TMTC2: variants seen among roughly 807,000 people sequenced by gnomAD.
TMTC2 encodes transmembrane O-mannosyltransferase targeting cadherins 2.
TMTC2 carries 43 observed loss-of-function variants against 82.4 expected under a neutral mutation model. The ratio of observed to expected loss-of-function variants is 0.52; its 90% CI spans 0.41 to 0.67. The LOEUF (loss-of-function observed/expected upper bound fraction) is 0.67, where lower values mean the gene tolerates loss of function less well. TMTC2 is among the 30% of genes least tolerant of loss of function. TMTC2 has a pLI of 0.00. For synonymous variants in TMTC2, 408 were observed against 381.9 expected (o/e 1.07, Z -0.80); for missense variants, 919 against 1,012.4 (o/e 0.91, Z 1.25).
At position 83,108,059 on chromosome 12, in the gene TMTC2, C is replaced by T. The variant is rs118143081; in HGVS notation, c.2332-24151C>T. Among the ~76,000 whole-genome samples the T allele has an allele frequency of 1.6e-3, 243 of 152,224 alleles. 2 individuals are homozygous for T. The highest frequency in any genetic ancestry group is 2.2e-3 in the Non-Finnish European group (148 of 68,002). ...ATGTAAGAGATGCCTGCTTCTCCTTCGCCTTCTTGCCATAATTATGTTTCC... is the reference window on the plus strand; with the variant it reads ...ATGTAAGAGATGCCTGCTTCTCCTTTGCCTTCTTGCCATAATTATGTTTCC... On this transcript the variant is annotated intron_variant, in intron 11 of 11. Transcript: ENST00000321196.
intron 1 of TMTC2, among the ~76,000 whole-genome samples, chr12:82,737,984 G>C (rs571614503): frequency 6.6e-6 from 1 of 152,204 alleles, no homozygotes; most frequent in African/African-American, 2.4e-5. Context: ...AGAGTCCATT[G>C]GGGTGGCAAA....
At chr12:82,763,532 G>A (rs1375874171) in intron 1 of TMTC2, among the ~76,000 whole-genome samples, 2 of 152,154 alleles carry the variant, frequency 1.3e-5, no homozygotes, top group Non-Finnish European at 2.9e-5. Flanking sequence ...GTCTTTTAAA[G>A]AGAAGTAAAT....
intron 1 of TMTC2, among the ~76,000 whole-genome samples, chr12:82,700,936 G>A (rs986217643): frequency 6.6e-6 from 1 of 152,172 alleles, no homozygotes. Context: ...AGGCAGGCAA[G>A]AGAGTATGTG....
intron 7 of TMTC2, among the ~76,000 whole-genome samples, chr12:82,976,667 AC>A (rs1186099124): frequency 1.3e-5 from 2 of 152,084 alleles, no homozygotes; most frequent in African/African-American, 4.8e-5. Flanking sequence ...GAATAAGATG[AC>A]AAAAATATTG....
intron 1 of TMTC2, among the ~76,000 whole-genome samples, chr12:82,815,453 G>A (rs1868649320): frequency 6.6e-6 from 1 of 151,716 alleles, no homozygotes; most frequent in Admixed American, 6.6e-5. Context: ...TGGGACTACA[G>A]GCGCCCGCCA....
chr12:82,933,673 T>C (rs1179309479), intron 4 of TMTC2, among the ~76,000 whole-genome samples: 1 of 152,192 alleles, frequency 6.6e-6, no homozygotes, highest in Non-Finnish European at 1.5e-5. Context: ...GTTGTATTAA[T>C]TGGCGTGGAA....
intron 1 of TMTC2, among the ~76,000 whole-genome samples, chr12:82,754,626 A>G (rs1592902369): frequency 1.3e-5 from 2 of 152,226 alleles, no homozygotes; most frequent in South Asian, 4.2e-4. Flanking sequence ...AGTCCCAGCT[A>G]CTTAGGGGGC....
At position 82,857,335 on chromosome 12, in the gene TMTC2, G is replaced by A. The variant is rs757729829; in HGVS notation, c.409G>A (p.Val137Met). The A allele has an allele frequency of 4.3e-6, 7 of 1,613,694 alleles. No homozygotes were observed. In the Admixed American group the frequency reaches 6.7e-5, roughly 15 times the overall value. The change falls in exon 2 of 12, where the codon GTG (valine) becomes ATG (methionine). Residue 137 changes from valine (V) to methionine (M), a missense_variant. Physicochemically the swap from Val to Met is conservative, Grantham distance 21. Coordinates refer to ENST00000321196, the MANE Select transcript of TMTC2 (RefSeq NM_152588.3). ...TCACACGGAGGCAGTGGCAGGAATC[G>A]TGGGACGAGCCGATGTCGGGGCCAG... is the stretch of plus-strand genomic sequence containing the variant. ...PIHTEAVAGI[V>M]GRADVGASLF...
intron 8 of TMTC2, among the ~76,000 whole-genome samples, chr12:83,013,431 CCT>C (rs1880546065): frequency 6.6e-6 from 1 of 152,150 alleles, no homozygotes; most frequent in African/African-American, 2.4e-5. Flanking sequence ...CATTAATCCA[CCT>C]AGGCTAGCAA....
intron 8 of TMTC2, among the ~76,000 whole-genome samples, chr12:83,014,336 T>C (rs931315495): frequency 6.6e-6 from 1 of 151,964 alleles, no homozygotes; most frequent in Non-Finnish European, 1.5e-5. Flanking sequence ...CTAATTTTTG[T>C]TTTTTGGTTT....
At chr12:82,844,230 A>T (rs970385771) in intron 1 of TMTC2, among the ~76,000 whole-genome samples, 15 of 152,142 alleles carry the variant, frequency 9.9e-5, no homozygotes, top group African/African-American at 2.7e-4. Flanking sequence ...ACCCCACAGG[A>T]TGTGAATTTT....
At chr12:82,903,269 T>C (rs1387538371) in intron 3 of TMTC2, among the ~76,000 whole-genome samples, 2 of 152,208 alleles carry the variant, frequency 1.3e-5, no homozygotes, top group African/African-American at 4.8e-5. Context: ...CTATCCTCTT[T>C]CCATGCTTCA....
rs149937443 is a variant in TMTC2 at position 82,758,739 on chromosome 12, A to T, written c.83+71070A>T. On this transcript the variant is annotated intron_variant, in intron 1 of 11. Coordinates refer to ENST00000321196, the MANE Select transcript of TMTC2 (RefSeq NM_152588.3). Reference sequence around the variant, plus strand: ...ATTCAAACTGTATTACCATTAGCATAAGAATAGCTTTTAACAATAATTAAA... The same window carrying T: ...ATTCAAACTGTATTACCATTAGCATTAGAATAGCTTTTAACAATAATTAAA... 409 of 152,328 alleles carry T rather than the reference A, an allele frequency of 2.7e-3. 1 individual carries two copies. The highest frequency in any genetic ancestry group is 9.1e-3 in the African/African-American group (380 of 41,582). The allele number at this position is 152,328 out of a possible 1,614,324, so 9.4% of individuals were successfully genotyped here.
chr12:83,121,192 G>C (rs1884936160), intron 11 of TMTC2, among the ~76,000 whole-genome samples: 1 of 152,128 alleles, frequency 6.6e-6, no homozygotes, highest in Non-Finnish European at 1.5e-5. Flanking sequence ...CATTGCTGGT[G>C]AACTAGTGTG....
chr12:82,872,027 C>T (rs948914711), intron 2 of TMTC2, among the ~76,000 whole-genome samples: 3 of 144,946 alleles, frequency 2.1e-5, no homozygotes, highest in East Asian at 4.0e-4. Flanking sequence ...GCCCACACCC[C>T]GCAGTTGCCT....
At chr12:82,737,459 T>C (rs896721183) in intron 1 of TMTC2, among the ~76,000 whole-genome samples, 1 of 152,212 alleles carries the variant, frequency 6.6e-6, no homozygotes, top group African/African-American at 2.4e-5. Flanking sequence ...CAGTTCTGTT[T>C]ACTGCTTTAA....
intron 9 of TMTC2, among the ~76,000 whole-genome samples, chr12:83,045,857 G>A (rs2137448413): frequency 6.6e-6 from 1 of 152,060 alleles, no homozygotes; most frequent in South Asian, 2.1e-4. Context: ...GTTCCTAATA[G>A]ACAGAAAACA....
intron 11 of TMTC2, among the ~76,000 whole-genome samples, chr12:83,080,086 A>C (rs1287824457): frequency 6.6e-6 from 1 of 152,176 alleles, no homozygotes; most frequent in African/African-American, 2.4e-5. Context: ...ATTTTCCAGT[A>C]TACTGATTGA....
chr12:83,090,662 GC>G (rs1191176476), intron 11 of TMTC2, among the ~76,000 whole-genome samples: 1 of 152,020 alleles, frequency 6.6e-6, no homozygotes, highest in Non-Finnish European at 1.5e-5. Context: ...TTGCTGCATT[GC>G]CTTTGTATTG....
Sources: gnomAD v4.1 joint callset for allele counts (sites outside exome capture counted in the v4.1 genomes callset) on GRCh38, gnomAD v4.1.1 for gene constraint, MANE v1.5 for transcripts, NCBI Gene and HGNC (gene_info 2026-07-23, HGNC 2026-07-21) for gene names.